SV2C: variants seen among roughly 807,000 people sequenced by gnomAD.
SV2C encodes solute carrier family 22 member B3.
SV2C carries 49 observed loss-of-function variants against 79.7 expected under a neutral mutation model. The ratio of observed to expected loss-of-function variants is 0.61; its 90% confidence interval spans 0.49 to 0.78. SV2C has a LOEUF of 0.78. SV2C is among the 30% of genes least tolerant of loss of function. SV2C has a pLI of 0.00. For synonymous variants in SV2C, 334 were observed against 333.2 expected (o/e 1.00, Z -0.03); for missense variants, 833 against 912.9 (o/e 0.91, Z 1.13).
intron 12 of SV2C, among the ~76,000 whole-genome samples, chr5:76,303,143 A>G (rs1449660813): frequency 6.6e-6 from 1 of 152,170 alleles, no homozygotes; most frequent in Non-Finnish European, 1.5e-5. Flanking sequence ...CTTATCAAAT[A>G]TTCTAGTTCA....
the SV2C span, among the ~76,000 whole-genome samples, chr5:76,037,276 C>T: frequency 6.6e-6 from 1 of 152,228 alleles, no homozygotes; most frequent in Non-Finnish European, 1.5e-5. Context: ...AGCTTTGTTC[C>T]GTTGCTGGTG....
intron 1 of SV2C, among the ~76,000 whole-genome samples, chr5:76,084,998 G>C (rs1747132654): frequency 6.6e-6 from 1 of 152,250 alleles, no homozygotes; most frequent in African/African-American, 2.4e-5. Context: ...AGAGCCTTAA[G>C]GAGATGAGAC....
the SV2C span, among the ~76,000 whole-genome samples, chr5:75,894,115 A>G: frequency 2.0e-5 from 3 of 152,068 alleles, no homozygotes; most frequent in African/African-American, 7.2e-5. Flanking sequence ...TGGCAGCATT[A>G]TACAGACAGA....
At chr5:76,275,258 C>T (rs1015097551) in intron 4 of SV2C, among the ~76,000 whole-genome samples, 10 of 152,056 alleles carry the variant, frequency 6.6e-5, no homozygotes, top group Admixed American at 5.9e-4. Context: ...GAGGCCGAGG[C>T]GGGCAGATCA....
chr5:76,052,713 A>G, the SV2C span, among the ~76,000 whole-genome samples: 3 of 152,236 alleles, frequency 2.0e-5, no homozygotes, highest in Non-Finnish European at 4.4e-5. Flanking sequence ...CATCACCAGC[A>G]TAGGTTCTTA....
chr5:76,124,808 G>C (rs1226277116), intron 1 of SV2C, among the ~76,000 whole-genome samples: 1 of 152,062 alleles, frequency 6.6e-6, no homozygotes, highest in African/African-American at 2.4e-5. Flanking sequence ...TTTGCTAGTA[G>C]CCATCCAAAT....
At chr5:76,210,583 A>G (rs1274548459) in intron 4 of SV2C, among the ~76,000 whole-genome samples, 1 of 152,314 alleles carries the variant, frequency 6.6e-6, no homozygotes, top group East Asian at 1.9e-4. Flanking sequence ...TCAACAACCC[A>G]AAAGCTCTCC....
chr5:75,910,863 A>G, the SV2C span: 26 of 1,133,466 alleles, frequency 2.3e-5, no homozygotes, highest in South Asian at 1.8e-4. Context: ...CTGAACTGCA[A>G]TCTCTATGAG....
At chr5:76,146,387 T>C (rs1347492107) in intron 2 of SV2C, among the ~76,000 whole-genome samples, 1 of 152,194 alleles carries the variant, frequency 6.6e-6, no homozygotes, top group Non-Finnish European at 1.5e-5. Flanking sequence ...CTTGGTGATA[T>C]GCTAAACAAG....
chr5:76,196,268 T>C (rs1744268925), intron 3 of SV2C, among the ~76,000 whole-genome samples: 1 of 152,210 alleles, frequency 6.6e-6, no homozygotes. Flanking sequence ...TTTTAGGAGC[T>C]TTCCTTAGAG....
intron 4 of SV2C, chr5:76,242,373 G>A (rs1745816650): frequency 6.1e-6 from 6 of 977,846 alleles, no homozygotes; most frequent in Non-Finnish European, 9.3e-6. Flanking sequence ...TCGGACCGGG[G>A]GTCGTTCTCG....
chr5:76,333,247 A>C lies in SV2C; in HGVS notation c.*7700A>C, dbSNP rs1371816794. ...ATTTGCTTTACTGAATCTATGTCCTATGTCAGTCAGAAGAAAAAAGAAATG... is the reference window on the plus strand; with the variant it reads ...ATTTGCTTTACTGAATCTATGTCCTCTGTCAGTCAGAAGAAAAAAGAAATG... On this transcript the variant is annotated 3_prime_UTR_variant, in exon 13 of 13. Transcript: ENST00000502798. 1.3e-5 allele frequency: 2 copies of C among 152,062 alleles called. No individual in the cohort carries two copies. Among genetic ancestry groups the C allele is most frequent in the Non-Finnish European group, 2.9e-5 (2 of 68,040 alleles). 9.4% of individuals were successfully genotyped at this position (152,062 alleles called of 1,614,324 possible). A position where few individuals can be genotyped will look rare whatever the true frequency, so the allele number is the denominator to read the frequency against.
the SV2C span, among the ~76,000 whole-genome samples, chr5:75,881,332 T>C: frequency 2.0e-5 from 3 of 152,196 alleles, no homozygotes; most frequent in Non-Finnish European, 2.9e-5. Context: ...GCTGTGAAGT[T>C]TAAATACGTT....
intron 1 of SV2C, among the ~76,000 whole-genome samples, chr5:76,118,748 G>C (rs770999106): frequency 3.9e-5 from 6 of 152,196 alleles, no homozygotes; most frequent in Non-Finnish European, 7.3e-5. Context: ...TTGGGAGGCT[G>C]AGGTAGGTGG....
the SV2C span, among the ~76,000 whole-genome samples, chr5:76,016,166 AG>A: frequency 5.3e-5 from 8 of 150,164 alleles, no homozygotes; most frequent in Non-Finnish European, 1.0e-4. Context: ...TGCTTTTGGA[AG>A]CACAAGGTTG....
chr5:76,235,258 A>G (rs1745576978), intron 4 of SV2C, among the ~76,000 whole-genome samples: 1 of 151,924 alleles, frequency 6.6e-6, no homozygotes, highest in African/African-American at 2.4e-5. Context: ...TCAAGGAATA[A>G]GTGAATATCA....
chr5:76,281,291 C>T (rs115224254), intron 4 of SV2C: 1 of 486,252 alleles, frequency 2.1e-6, no homozygotes, highest in Admixed American at 2.5e-5. Flanking sequence ...TTTTCATAGA[C>T]TAGAACTTAA....
At chr5:76,215,092 A>C (rs1168977892) in intron 4 of SV2C, among the ~76,000 whole-genome samples, 3 of 152,198 alleles carry the variant, frequency 2.0e-5, no homozygotes, top group African/African-American at 7.2e-5. Flanking sequence ...TCTTAGAGGG[A>C]AAGCTTTTAG....
chr5:75,989,947 T>C, the SV2C span, among the ~76,000 whole-genome samples: 1 of 149,868 alleles, frequency 6.7e-6, no homozygotes, highest in African/African-American at 2.5e-5. Context: ...TTTTGGGAAG[T>C]GCCTGTTTAT....
Sources: gnomAD v4.1 joint callset for allele counts (sites outside exome capture counted in the v4.1 genomes callset) on GRCh38, gnomAD v4.1.1 for gene constraint, MANE v1.5 for transcripts, NCBI Gene and HGNC (gene_info 2026-07-23, HGNC 2026-07-21) for gene names.